The following CCDC60 variants were observed in gnomAD, a reference collection of about 807,000 sequenced individuals.
CCDC60 encodes coiled-coil domain-containing protein 60.
Under a neutral mutation model 63.5 loss-of-function variants are expected in CCDC60, and 54 were observed. That is an observed-to-expected ratio of 0.85 (90% confidence interval 0.68 to 1.07). The LOEUF (loss-of-function observed/expected upper bound fraction) is 1.07. Among genes scored for constraint, CCDC60 ranks in the 50% least tolerant of loss-of-function variants. The pLI is 0.00. For missense variants in CCDC60, 651 were observed against 684.3 expected (o/e 0.95, Z 0.54); for synonymous variants, 206 against 238.8 (o/e 0.86, Z 1.27).
At chr12:119,490,340 C>A (rs1287193496) in intron 5 of CCDC60, among the ~76,000 whole-genome samples, 1 of 152,142 alleles carries the variant, frequency 6.6e-6, no homozygotes, top group African/African-American at 2.4e-5. Flanking sequence ...TTTTTTTAAG[C>A]AGCAGACCTC....
chr12:119,502,682 A>ATGCT (rs1951884725), intron 6 of CCDC60, among the ~76,000 whole-genome samples: 1 of 152,200 alleles, frequency 6.6e-6, no homozygotes, highest in African/African-American at 2.4e-5. Flanking sequence ...TCCTAGCTCA[A>ATGCT]GGAAGACACC....
chr12:119,514,847 A>T (rs1952313306), intron 7 of CCDC60, among the ~76,000 whole-genome samples: 1 of 152,206 alleles, frequency 6.6e-6, no homozygotes, highest in Non-Finnish European at 1.5e-5. Context: ...AGCTCCATTT[A>T]TGATAAGTAC....
At chr12:119,427,906 G>GGATC (rs1450887888) in intron 1 of CCDC60, among the ~76,000 whole-genome samples, 47 of 152,230 alleles carry the variant, frequency 3.1e-4, no homozygotes, top group African/African-American at 1.1e-3. Context: ...TGAAGCAAGA[G>GGATC]GATCACTTGG....
At chr12:119,437,946 G>C (rs1950359727) in intron 2 of CCDC60, among the ~76,000 whole-genome samples, 1 of 145,036 alleles carries the variant, frequency 6.9e-6, no homozygotes, top group African/African-American at 2.6e-5. Flanking sequence ...CCATTAACGA[G>C]TCACTAGTTT....
chr12:119,512,833 G>A (rs1042729654), intron 7 of CCDC60, among the ~76,000 whole-genome samples: 1 of 152,230 alleles, frequency 6.6e-6, no homozygotes, highest in East Asian at 1.9e-4. Context: ...GGTTGCTCAC[G>A]TTCCAGTAGT....
chr12:119,503,603 G>A (rs749011847), intron 6 of CCDC60, among the ~76,000 whole-genome samples: 1 of 152,116 alleles, frequency 6.6e-6, no homozygotes, highest in Non-Finnish European at 1.5e-5. Flanking sequence ...GCAGGCACAG[G>A]GAGAGATCAT....
chr12:119,495,178 C>T (rs1593171258), intron 5 of CCDC60, among the ~76,000 whole-genome samples: 2 of 152,148 alleles, frequency 1.3e-5, no homozygotes, highest in South Asian at 2.1e-4. Context: ...AGGCAGGATT[C>T]GAACCCAGGT....
At chr12:119,462,117 A>G (rs2136306181) in intron 2 of CCDC60, among the ~76,000 whole-genome samples, 1 of 152,322 alleles carries the variant, frequency 6.6e-6, no homozygotes, top group Non-Finnish European at 1.5e-5. Context: ...TTCCACCAGA[A>G]GATTTGCTTG....
chr12:119,496,905 G>A (rs994254290), intron 5 of CCDC60, among the ~76,000 whole-genome samples: 1 of 152,082 alleles, frequency 6.6e-6, no homozygotes, highest in Admixed American at 6.5e-5. Flanking sequence ...ATATTAAATG[G>A]GTGAGCTAAG....
intron 1 of CCDC60, among the ~76,000 whole-genome samples, chr12:119,346,338 A>G (rs890265198): frequency 9.8e-5 from 15 of 152,292 alleles, no homozygotes; most frequent in Middle Eastern, 3.4e-3. Context: ...TGCTATCATG[A>G]CATCTAACCT....
chr12:119,390,062 TCTC>T (rs1221759645), intron 1 of CCDC60, among the ~76,000 whole-genome samples: 1 of 152,156 alleles, frequency 6.6e-6, no homozygotes, highest in Non-Finnish European at 1.5e-5. Flanking sequence ...ATCAAATCTC[TCTC>T]CTAAGGGAGG....
At chr12:119,417,567 G>A (rs1409449245) in intron 1 of CCDC60, among the ~76,000 whole-genome samples, 1 of 152,012 alleles carries the variant, frequency 6.6e-6, no homozygotes, top group Non-Finnish European at 1.5e-5. Context: ...GATACAATCA[G>A]GCTCTGTCCC....
intron 1 of CCDC60, among the ~76,000 whole-genome samples, chr12:119,385,606 T>A (rs558123081): frequency 1.3e-5 from 2 of 152,348 alleles, no homozygotes; most frequent in East Asian, 1.9e-4. Context: ...ACCTCTTTTT[T>A]AAAAAATAAA....
At chr12:119,505,338 G>T in intron 7 of CCDC60, 35 bp downstream of exon 7, 2 of 1,468,776 alleles carry the variant, frequency 1.4e-6, no homozygotes, top group South Asian at 2.3e-5. Flanking sequence ...CATCTACCCT[G>T]ACCCTTTGCC....
chr12:119,453,163 C>A (rs1950665459), intron 2 of CCDC60, among the ~76,000 whole-genome samples: 1 of 152,146 alleles, frequency 6.6e-6, no homozygotes. Context: ...ATGTATATCC[C>A]ACTTTGGCCT....
intron 2 of CCDC60, among the ~76,000 whole-genome samples, chr12:119,470,176 T>G (rs989596582): frequency 5.3e-5 from 8 of 152,196 alleles, no homozygotes; most frequent in Non-Finnish European, 5.9e-5. Context: ...ATGTCCCACT[T>G]TGTTCTACTG....
At chr12:119,453,769 G>A (rs905824560) in intron 2 of CCDC60, among the ~76,000 whole-genome samples, 1 of 152,086 alleles carries the variant, frequency 6.6e-6, no homozygotes, top group South Asian at 2.1e-4. Context: ...TGAAGAAGAA[G>A]AAGAAAGAAG....
At position 119,438,661 on chromosome 12, in the gene CCDC60, A is replaced by G. The variant is rs1950374792; in HGVS notation, c.170+9899A>G. ...TGGATGAGGAATATATGACTAGACC[A>G]ATAAAAGGAAGTCACTGTCTTTTTT... On this transcript the variant is annotated intron_variant, in intron 2 of 13. Transcript: ENST00000327554. Among the ~76,000 whole-genome samples, 4 of 152,210 alleles carry G rather than the reference A, an allele frequency of 2.6e-5. No individual in the cohort carries two copies. In the South Asian group the frequency reaches 8.3e-4, roughly 32 times the overall value.
At chr12:119,419,803 C>A (rs374694971) in intron 1 of CCDC60, among the ~76,000 whole-genome samples, 10 of 152,036 alleles carry the variant, frequency 6.6e-5, no homozygotes, top group African/African-American at 2.2e-4. Flanking sequence ...ACCACCTCTC[C>A]CTGACAATCA....
Sources: gnomAD v4.1 joint callset for allele counts (sites outside exome capture counted in the v4.1 genomes callset) on GRCh38, gnomAD v4.1.1 for gene constraint, MANE v1.5 for transcripts, NCBI Gene and HGNC (gene_info 2026-07-23, HGNC 2026-07-21) for gene names.